Variants in TPCN1 observed in about 807,000 individuals in gnomAD.
TPCN1 encodes the protein two pore segment channel 1, also known as two pore channel protein 1.
A neutral mutation model predicts 108.8 loss-of-function variants in TPCN1; 52 were observed. That is an observed-to-expected ratio of 0.48 (90% confidence interval 0.38 to 0.60). The LOEUF is 0.60. Ranked by LOEUF, TPCN1 falls within the 20% of genes least tolerant of loss-of-function variation. The pLI, the probability that TPCN1 is intolerant of heterozygous loss-of-function variation, is 0.00. For synonymous variants in TPCN1, 446 were observed against 433.7 expected, an observed-to-expected ratio of 1.03 and a Z score of -0.35; for missense variants, 806 against 1,072.8, an observed-to-expected ratio of 0.75 and a Z score of 3.47.
At chr12:113,224,310 G>A (rs887710765) in intron 1 of TPCN1, among the ~76,000 whole-genome samples, 5 of 152,118 alleles carry the variant, frequency 3.3e-5, no homozygotes, top group African/African-American at 9.7e-5. Context: ...TATCTCATGG[G>A]GCTATTAAGA....
chr12:113,250,664 T>C (rs1449146619), intron 2 of TPCN1, among the ~76,000 whole-genome samples: 4 of 152,290 alleles, frequency 2.6e-5, no homozygotes, highest in Middle Eastern at 3.4e-3. Flanking sequence ...TCATTAAGAA[T>C]TATTTCCCGG....
chr12:113,282,434 G>T (rs933134598), intron 15 of TPCN1, among the ~76,000 whole-genome samples: 1 of 151,280 alleles, frequency 6.6e-6, no homozygotes, highest in African/African-American at 2.4e-5. Context: ...TTTTTATTTT[G>T]GGGGATTGCT....
At chr12:113,274,478 T>C (rs976029216) in intron 10 of TPCN1, among the ~76,000 whole-genome samples, 1 of 152,078 alleles carries the variant, frequency 6.6e-6, no homozygotes, top group Non-Finnish European at 1.5e-5. Flanking sequence ...CTATATTGTT[T>C]AGGGATAATG....
chr12:113,291,386 C>T, intron 23 of TPCN1: 1 of 601,840 alleles, frequency 1.7e-6, no homozygotes, highest in South Asian at 2.0e-5. Flanking sequence ...ATAAAGGCTG[C>T]CCTGGTTCTG....
chr12:113,296,347 G>C lies in TPCN1; in HGVS notation c.*271G>C. The C allele has an allele frequency of 2.2e-6, 1 of 445,978 alleles. No homozygotes were observed. Among genetic ancestry groups the C allele is most frequent in the Middle Eastern group, 6.1e-4 (1 of 1,632 alleles). 27.6% of individuals were successfully genotyped at this position (445,978 alleles called of 1,614,324 possible). ...GGCTCCAGAAGGCCCTTCACAAGGA[G>C]ACCCCTCACCTGGATCCAGTCGACT... On this transcript the variant is annotated 3_prime_UTR_variant, in exon 28 of 28. Transcript: ENST00000335509.
In TPCN1 at chr12:113,238,756, C is replaced by T. The variant is rs529820206; in HGVS notation, c.112+11792C>T. On this transcript the variant is annotated intron_variant, in intron 2 of 27. Transcript: ENST00000335509. Reference sequence around the variant, plus strand: ...TCGCTCCCCAGCACCGGGATGTGATCGATTTGATGATTGAATCAGAGTTTG... The same window carrying T: ...TCGCTCCCCAGCACCGGGATGTGATTGATTTGATGATTGAATCAGAGTTTG... 2.6e-5 allele frequency among the ~76,000 whole-genome samples: 4 copies of T among 152,250 alleles called. No homozygotes were observed. The South Asian group carries it at 6.2e-4, about 24-fold the overall frequency.
At chr12:113,230,609 G>C (rs944904691) in intron 2 of TPCN1, among the ~76,000 whole-genome samples, 3 of 151,970 alleles carry the variant, frequency 2.0e-5, no homozygotes, top group African/African-American at 7.3e-5. Context: ...TTTTATCTTA[G>C]TCACCTTTAA....
chr12:113,247,440 C>T (rs369634953), intron 2 of TPCN1, among the ~76,000 whole-genome samples: 13 of 152,208 alleles, frequency 8.5e-5, no homozygotes, highest in East Asian at 1.9e-4. Flanking sequence ...AGAAAGCTGC[C>T]GAGCCTTCGA....
In TPCN1 at chr12:113,253,569, C is replaced by A. The variant is rs137917139; in HGVS notation, c.113-6799C>A. Among the ~76,000 whole-genome samples the A allele has an allele frequency of 5.4e-3, 822 of 152,304 alleles. 7 individuals are homozygous for A. The highest frequency in any genetic ancestry group is 0.018 in the African/African-American group (762 of 41,554). On this transcript the variant is annotated intron_variant, in intron 2 of 27. Coordinates refer to ENST00000335509, the MANE Select transcript of TPCN1 (RefSeq NM_017901.6). ...TGGTGCTACCCCTTGGCTGGGTGCT[C>A]AGCTGGGCTGTGAACTGGAGCCTTG... is the stretch of plus-strand genomic sequence containing the variant.
intron 2 of TPCN1, among the ~76,000 whole-genome samples, chr12:113,240,352 GT>G (rs1427923861): frequency 1.3e-5 from 2 of 152,194 alleles, no homozygotes; most frequent in African/African-American, 4.8e-5. Context: ...ACCTGCTGGT[GT>G]CTACAACGGT....
chr12:113,221,908 C>G (rs551126445), intron 1 of TPCN1, among the ~76,000 whole-genome samples: 147 of 152,336 alleles, frequency 9.6e-4, no homozygotes, highest in Non-Finnish European at 1.1e-3. Context: ...TGTCCTGCCT[C>G]CTTCTTCCTC....
In TPCN1 at chr12:113,284,733, C is replaced by T. The variant is rs746959489; in HGVS notation, c.1415C>T (p.Ser472Phe). ...TFMLKGGNFFSKHVPWSYLVF... is the reference protein window; with the variant it reads ...TFMLKGGNFFFKHVPWSYLVF... ...TGTCTTACAGGTGGGAACTTCTTCT[C>T]CAAGCACGTGCCCTGGAGTTACCTC... Residue 472 changes from serine (S) to phenylalanine (F), a missense_variant, in exon 17 of 28, where the codon TCC (serine) becomes TTC (phenylalanine). Physicochemically the swap from Ser to Phe is radical, Grantham distance 155. Transcript: ENST00000335509. This position sits in a 1 kb window ranked among gnomAD's most constrained non-coding sequence, Gnocchi z 4.1. 1.9e-6 allele frequency: 3 copies of T among 1,614,108 alleles called. No individual in the cohort carries two copies. Among genetic ancestry groups the T allele is most frequent in the Non-Finnish European group, 2.5e-6 (3 of 1,180,048 alleles).
intron 2 of TPCN1, among the ~76,000 whole-genome samples, chr12:113,257,346 C>G (rs1341048538): frequency 1.3e-5 from 2 of 152,068 alleles, no homozygotes; most frequent in African/African-American, 4.8e-5. Flanking sequence ...TAAAAATTAG[C>G]CAGGCATGGT....
chr12:113,224,498 G>A (rs1419580938), intron 1 of TPCN1, among the ~76,000 whole-genome samples: 5 of 151,878 alleles, frequency 3.3e-5, no homozygotes, highest in Admixed American at 1.3e-4. Context: ...CCGGGTTCAC[G>A]CCTTTCTCCT....
At chr12:113,290,301 T>G in intron 22 of TPCN1, 58 bp downstream of exon 22, 1 of 1,221,468 alleles carries the variant, frequency 8.2e-7, no homozygotes, top group Non-Finnish European at 1.2e-6. Context: ...TTGTCACCCT[T>G]GTCACCACGG....
chr12:113,291,383 C>T, intron 23 of TPCN1: 1 of 601,408 alleles, frequency 1.7e-6, no homozygotes, highest in Non-Finnish European at 3.0e-6. Context: ...GGGATAAAGG[C>T]TGCCCTGGTT....
In TPCN1 at chr12:113,269,588, G is replaced by C. The variant is rs190953741; in HGVS notation, c.660-169G>C. On this transcript the variant is annotated intron_variant, in intron 6 of 27. Coordinates refer to ENST00000335509, the MANE Select transcript of TPCN1 (RefSeq NM_017901.6). This position sits in a 1 kb window ranked among gnomAD's most constrained non-coding sequence, Gnocchi z 5.0. ...CTAGTTCTTCCCTGCCATCCGCTGA[G>C]TGGGGGTCTCAAGCCACTTTAGGAA... 3.3e-5 allele frequency among the ~76,000 whole-genome samples: 5 copies of C among 152,204 alleles called. No homozygotes were observed. The highest frequency in any genetic ancestry group is 1.2e-4 in the African/African-American group (5 of 41,446).
Position 113,226,815 on chromosome 12 carries a change from C to G in TPCN1, c.-38C>G. On this transcript the variant is annotated 5_prime_UTR_variant, in exon 2 of 28. Transcript: ENST00000335509. Reference sequence around the variant, plus strand: ...CTCAAACCAGAGACTATTTCAAGCCCTGGATATCATATCCTGAGGGCCACA... The same window carrying G: ...CTCAAACCAGAGACTATTTCAAGCCGTGGATATCATATCCTGAGGGCCACA... 6.2e-7 allele frequency: 1 copy of G among 1,613,990 alleles called. No homozygotes were observed. Among genetic ancestry groups the G allele is most frequent in the East Asian group, 2.2e-5 (1 of 44,880 alleles).
intron 2 of TPCN1, among the ~76,000 whole-genome samples, chr12:113,251,580 C>T (rs1433017189): frequency 6.6e-6 from 1 of 152,344 alleles, no homozygotes; most frequent in Admixed American, 6.5e-5. Context: ...TGCTCGCTGT[C>T]CCGTGGGGGG....
Sources: gnomAD v4.1 joint callset for allele counts (sites outside exome capture counted in the v4.1 genomes callset) on GRCh38, gnomAD v4.1.1 for gene constraint, Gnocchi (gnomAD v3.1) non-coding constraint, MANE v1.5 for transcripts, NCBI Gene and HGNC (gene_info 2026-07-23, HGNC 2026-07-21) for gene names.